The following SHC4 variants were observed in gnomAD, a reference collection of about 807,000 sequenced individuals.
The protein encoded by SHC4 is SHC-transforming protein 4.
A neutral mutation model predicts 69.4 loss-of-function variants in SHC4; 41 were observed. The observed-to-expected ratio is 0.59, with a 90% CI of 0.46 to 0.77. SHC4 has a LOEUF of 0.77. Among genes scored for constraint, SHC4 ranks in the 30% least tolerant of loss-of-function variants. The pLI, the probability that SHC4 is intolerant of heterozygous loss-of-function variation, is 0.00. For synonymous variants in SHC4, 318 were observed against 299.3 expected, an observed-to-expected ratio of 1.06 and a Z score of -0.64; for missense variants, 777 against 783.8, an observed-to-expected ratio of 0.99 and a Z score of 0.10.
chr15:48,843,446 C>A lies in SHC4; in HGVS notation c.1446G>T (p.Arg482Ser), dbSNP rs1451959310. The change falls in exon 10 of 12, where the codon AGG becomes AGT. Residue 482 changes from arginine to serine, a missense_variant. Arg to Ser is a moderately radical substitution (Grantham distance 110). Coordinates refer to ENST00000332408, the MANE Select transcript of SHC4 (RefSeq NM_203349.4). ...QSTPGSAGNQ[R>S]SAQPLGSPWH... ...ATGGGCTCCCCAGTGGTTGGGCTGA[C>A]CTTTGATTTCCAGCAGAGCCAGGTG... is the stretch of plus-strand genomic sequence containing the variant. 23 of 1,613,840 alleles carry A rather than the reference C, an allele frequency of 1.4e-5. No individual in the cohort carries two copies. The highest frequency in any genetic ancestry group is 1.5e-5 in the Non-Finnish European group (18 of 1,179,874).
chr15:48,957,676 G>A (rs1271807824), intron 1 of SHC4, among the ~76,000 whole-genome samples: 1 of 152,228 alleles, frequency 6.6e-6, no homozygotes, highest in African/African-American at 2.4e-5. Flanking sequence ...CTTGGGGACT[G>A]TTTTGGGTTG....
intron 5 of SHC4, among the ~76,000 whole-genome samples, chr15:48,869,489 T>C (rs988060462): frequency 2.0e-5 from 3 of 152,200 alleles, no homozygotes; most frequent in African/African-American, 7.2e-5. Flanking sequence ...GGGTATGTGT[T>C]AGCAATTGTG....
chr15:48,898,913 A>G (rs1273234327), intron 2 of SHC4, among the ~76,000 whole-genome samples: 1 of 152,194 alleles, frequency 6.6e-6, no homozygotes, highest in East Asian at 1.9e-4. Flanking sequence ...GTTCTCCTTT[A>G]GGGTAAACTG....
intron 3 of SHC4, among the ~76,000 whole-genome samples, chr15:48,886,751 A>G (rs1900043640): frequency 1.3e-5 from 2 of 152,224 alleles, no homozygotes; most frequent in African/African-American, 4.8e-5. Flanking sequence ...GGTTATAATT[A>G]CTACTTTTAA....
chr15:48,944,699 G>A (rs1247601455), intron 1 of SHC4, among the ~76,000 whole-genome samples: 1 of 152,186 alleles, frequency 6.6e-6, no homozygotes, highest in East Asian at 1.9e-4. Flanking sequence ...TGATAAGGGG[G>A]ATCTTTTAAA....
chr15:48,937,141 T>G (rs979596904), intron 1 of SHC4, among the ~76,000 whole-genome samples: 1 of 152,210 alleles, frequency 6.6e-6, no homozygotes, highest in Non-Finnish European at 1.5e-5. Context: ...AATAGAGATG[T>G]ATATTCTGTT....
chr15:48,889,200 A>T (rs957145492), intron 3 of SHC4, among the ~76,000 whole-genome samples: 1 of 152,236 alleles, frequency 6.6e-6, no homozygotes, highest in African/African-American at 2.4e-5. Context: ...ATCAGAAATT[A>T]TGAGAAGCAG....
intron 1 of SHC4, among the ~76,000 whole-genome samples, chr15:48,959,042 A>G (rs1901496981): frequency 6.6e-6 from 1 of 152,224 alleles, no homozygotes; most frequent in Non-Finnish European, 1.5e-5. Flanking sequence ...TTTATTCTAC[A>G]TCATAAGACC....
At chr15:48,883,867 C>T (rs1410576670) in intron 4 of SHC4, among the ~76,000 whole-genome samples, 1 of 152,198 alleles carries the variant, frequency 6.6e-6, no homozygotes, top group Non-Finnish European at 1.5e-5. Context: ...CCCTTTGTCC[C>T]TCATCTGTAC....
At chr15:48,893,652 C>A (rs1900172178) in intron 2 of SHC4, among the ~76,000 whole-genome samples, 1 of 151,828 alleles carries the variant, frequency 6.6e-6, no homozygotes, top group East Asian at 1.9e-4. Context: ...AAAATTAAAA[C>A]AACAAGATAC....
chr15:48,927,882 A>C (rs183611016), intron 1 of SHC4, among the ~76,000 whole-genome samples: 71 of 152,214 alleles, frequency 4.7e-4, no homozygotes, highest in African/African-American at 1.7e-3. Context: ...TTTACTTGTT[A>C]ATTTGCTTGT....
At chr15:48,872,278 A>C in intron 4 of SHC4, 136 bp from the exon 5 acceptor site, 2 of 523,938 alleles carry the variant, frequency 3.8e-6, no homozygotes, top group African/African-American at 2.0e-5. Flanking sequence ...CCCAACCTAC[A>C]CTCTATAATA....
At chr15:48,873,038 C>CA (rs1375917753) in intron 4 of SHC4, among the ~76,000 whole-genome samples, 1 of 152,050 alleles carries the variant, frequency 6.6e-6, no homozygotes, top group Non-Finnish European at 1.5e-5. Flanking sequence ...ATATGTGCAA[C>CA]AAAAAATATT....
At chr15:48,840,907 G>A (rs1052402710) in intron 10 of SHC4, among the ~76,000 whole-genome samples, 1 of 152,248 alleles carries the variant, frequency 6.6e-6, no homozygotes, top group Middle Eastern at 3.4e-3. Context: ...CCAAAGCAGG[G>A]AAAGGGAGAA....
intron 2 of SHC4, among the ~76,000 whole-genome samples, chr15:48,918,803 T>C (rs1378228587): frequency 6.6e-6 from 1 of 152,226 alleles, no homozygotes; most frequent in Non-Finnish European, 1.5e-5. Flanking sequence ...ATATAATTTT[T>C]CTGTTCAGCA....
intron 4 of SHC4, among the ~76,000 whole-genome samples, chr15:48,881,168 TC>T (rs1899937995): frequency 6.6e-6 from 1 of 152,062 alleles, no homozygotes; most frequent in Admixed American, 6.6e-5. Context: ...TTCGCTTAGA[TC>T]AGATATCCCA....
intron 1 of SHC4, among the ~76,000 whole-genome samples, chr15:48,933,872 G>A (rs1901018208): frequency 6.6e-6 from 1 of 152,080 alleles, no homozygotes; most frequent in South Asian, 2.1e-4. Context: ...TTCAACCGAT[G>A]GCACCAGAGC....
intron 9 of SHC4, among the ~76,000 whole-genome samples, chr15:48,849,670 C>T (rs1237186784): frequency 1.3e-5 from 2 of 152,154 alleles, no homozygotes; most frequent in African/African-American, 4.8e-5. Context: ...TACCACAAGG[C>T]ATGCGTGGTA....
chr15:48,926,662 C>A (rs1900859442), intron 1 of SHC4, among the ~76,000 whole-genome samples: 1 of 152,062 alleles, frequency 6.6e-6, no homozygotes, highest in African/African-American at 2.4e-5. Context: ...AGGGTTTCAC[C>A]ATGTTGGCCA....
Sources: gnomAD v4.1 joint callset for allele counts (sites outside exome capture counted in the v4.1 genomes callset) on GRCh38, gnomAD v4.1.1 for gene constraint, MANE v1.5 for transcripts, NCBI Gene and HGNC (gene_info 2026-07-23, HGNC 2026-07-21) for gene names.